PLD1: variants seen among roughly 807,000 people sequenced by gnomAD.
The protein encoded by PLD1 is phospholipase D1, also known as choline phosphatase 1.
PLD1 carries 112 observed loss-of-function variants against 137.1 expected under a neutral mutation model. That is an observed-to-expected ratio of 0.82 (90% CI 0.70 to 0.96). PLD1 has a LOEUF of 0.96. Ranked by LOEUF, PLD1 falls within the 40% of genes least tolerant of loss-of-function variation. The probability of loss-of-function intolerance (pLI) is 0.00; values close to 1 mark genes in which losing one functional copy is unlikely to be tolerated. For missense variants in PLD1, 1,321 were observed against 1,342.0 expected (o/e 0.98, Z 0.24); for synonymous variants, 431 against 454.7 (o/e 0.95, Z 0.66).
At chr3:171,695,036 T>C (rs971767146) in intron 12 of PLD1, among the ~76,000 whole-genome samples, 1 of 152,210 alleles carries the variant, frequency 6.6e-6, no homozygotes, top group Admixed American at 6.5e-5. Flanking sequence ...AGTTAATTAG[T>C]GACAAGATTC....
intron 1 of PLD1, among the ~76,000 whole-genome samples, chr3:171,775,884 A>C (rs565411261): frequency 6.6e-6 from 1 of 152,198 alleles, no homozygotes; most frequent in East Asian, 1.9e-4. Context: ...AATTAAAATA[A>C]AAGGGGAAAG....
At chr3:171,707,005 T>C (rs1578323235) in intron 11 of PLD1, among the ~76,000 whole-genome samples, 1 of 152,240 alleles carries the variant, frequency 6.6e-6, no homozygotes, top group East Asian at 1.9e-4. Flanking sequence ...AATGAGATCA[T>C]GTCCTTTGCA....
rs1326790743 is a variant in PLD1 at position 171,645,037 on chromosome 3, A to T, written c.2430-14T>A. ...TTCTGGTTTTCCCTGCAAAGGTCAG[A>T]TGCAGAGAAATTCACCCAAAAAATA... is the stretch of plus-strand genomic sequence containing the variant. On this transcript the variant is annotated splice_polypyrimidine_tract_variant and intron_variant, in intron 21 of 26. Coordinates refer to ENST00000351298, the MANE Select transcript of PLD1 (RefSeq NM_002662.5). 15 of 1,509,922 alleles carry T rather than the reference A, an allele frequency of 9.9e-6. No individual in the cohort carries two copies. Among genetic ancestry groups the T allele is most frequent in the Non-Finnish European group, 1.4e-5 (15 of 1,085,054 alleles). 93.5% of individuals were successfully genotyped at this position (1,509,922 alleles called of 1,614,324 possible). A position where few individuals can be genotyped will look rare whatever the true frequency, so the allele number is the denominator to read the frequency against.
intron 17 of PLD1, among the ~76,000 whole-genome samples, 177 bp downstream of exon 17, chr3:171,677,387 GAA>G (rs1171734991): frequency 6.6e-6 from 1 of 151,272 alleles, no homozygotes; most frequent in Non-Finnish European, 1.5e-5. Flanking sequence ...TATTATAACT[GAA>G]AAAAAAGTCC....
At chr3:171,623,997 CAAA>C (rs369934863) in intron 23 of PLD1, among the ~76,000 whole-genome samples, 16 of 65,438 alleles carry the variant, frequency 2.4e-4, no homozygotes, top group Non-Finnish European at 2.7e-4. Context: ...TATCCAGAGG[CAAA>C]AAAAAAAAAA....
At chr3:171,781,772 C>G (rs28725249) in intron 1 of PLD1, among the ~76,000 whole-genome samples, 50,706 of 152,038 alleles carry the variant, frequency 0.33, 8,761 homozygotes, top group African/African-American at 0.35. Flanking sequence ...GCACAACTCT[C>G]ATTCACCATG....
intron 1 of PLD1, among the ~76,000 whole-genome samples, chr3:171,741,080 G>T (rs1029165262): frequency 6.6e-6 from 1 of 152,142 alleles, no homozygotes; most frequent in African/African-American, 2.4e-5. Context: ...CCATACCTTG[G>T]AAGGGATCAT....
At chr3:171,704,469 A>AAAAAC (rs534127732) in intron 11 of PLD1, among the ~76,000 whole-genome samples, 3,968 of 150,458 alleles carry the variant, frequency 0.026, 110 homozygotes, top group African/African-American at 0.076. Context: ...AAAAAAAAAA[A>AAAAAC]AAAAAAAACC....
intron 23 of PLD1, among the ~76,000 whole-genome samples, chr3:171,630,256 T>C (rs1420089170): frequency 1.3e-5 from 2 of 151,158 alleles, no homozygotes; most frequent in Admixed American, 1.3e-4. Flanking sequence ...AAAAAACACA[T>C]GAAAAAATGC....
chr3:171,686,921 A>C, intron 15 of PLD1, 123 bp from the exon 16 acceptor site: 1 of 536,276 alleles, frequency 1.9e-6, no homozygotes. Flanking sequence ...ATTCTGTGCA[A>C]CAGAAAATTG....
intron 1 of PLD1, among the ~76,000 whole-genome samples, chr3:171,801,394 T>C (rs1723638369): frequency 6.6e-6 from 1 of 152,230 alleles, no homozygotes; most frequent in Non-Finnish European, 1.5e-5. Flanking sequence ...AGGACGAACA[T>C]ATCCAACATG....
intron 23 of PLD1, among the ~76,000 whole-genome samples, chr3:171,622,221 C>G (rs1019481899): frequency 6.6e-6 from 1 of 152,086 alleles, no homozygotes; most frequent in Non-Finnish European, 1.5e-5. Context: ...TCACATTGAA[C>G]AATATAGTAG....
chr3:171,796,247 A>T (rs1024842786), intron 1 of PLD1, among the ~76,000 whole-genome samples: 3 of 152,236 alleles, frequency 2.0e-5, no homozygotes, highest in Non-Finnish European at 2.9e-5. Context: ...AAATATCTCC[A>T]TATATGGTGT....
intron 23 of PLD1, among the ~76,000 whole-genome samples, chr3:171,631,856 A>G (rs924976007): frequency 6.6e-6 from 1 of 152,208 alleles, no homozygotes; most frequent in African/African-American, 2.4e-5. Context: ...ACTAATAAAT[A>G]TAGAAAAAAA....
intron 23 of PLD1, among the ~76,000 whole-genome samples, chr3:171,638,182 CTCAAAAAAAAAAAAAAAAAAAAAAA>C (rs1289765172): frequency 3.8e-5 from 4 of 104,234 alleles, no homozygotes; most frequent in Non-Finnish European, 5.5e-5. Context: ...GAGACTCCGT[CTCAAAAAAAAAAAAAAAAAAAAAAA>C]GATACACTTA....
chr3:171,687,712 G>T, intron 14 of PLD1, 128 bp from the exon 15 acceptor site: 1 of 646,264 alleles, frequency 1.5e-6, no homozygotes, highest in Non-Finnish European at 2.7e-6. Context: ...ATGCAATAAT[G>T]TCTGAGGTCA....
chr3:171,718,890 C>G (rs192304906), intron 8 of PLD1, among the ~76,000 whole-genome samples: 245 of 152,246 alleles, frequency 1.6e-3, no homozygotes, highest in African/African-American at 5.5e-3. Context: ...CCAATACATG[C>G]GAACTATTAT....
chr3:171,704,923 G>T (rs1224490363), intron 11 of PLD1, among the ~76,000 whole-genome samples: 1 of 152,172 alleles, frequency 6.6e-6, no homozygotes, highest in Non-Finnish European at 1.5e-5. Flanking sequence ...ATAAGGAGCG[G>T]GCAGCCTAGA....
In PLD1 at chr3:171,687,354, T is replaced by C. The variant is rs1328084118; in HGVS notation, c.1753+17A>G. ...AGTGGGTAGTTAAGATAAATTCTAG[T>C]CAAGGCCATGACTTACTGGAGGTGC... On this transcript the variant is annotated intron_variant, in intron 15 of 26. Transcript: ENST00000351298. 6.2e-7 allele frequency: 1 copy of C among 1,607,088 alleles called. No homozygotes were observed. The highest frequency in any genetic ancestry group is 1.3e-5 in the African/African-American group (1 of 74,910).
Sources: allele counts gnomAD v4.1 joint callset (sites outside exome capture counted in the v4.1 genomes callset), GRCh38; gene constraint gnomAD v4.1.1; transcripts MANE v1.5; gene names NCBI Gene and HGNC (gene_info 2026-07-23, HGNC 2026-07-21).